MYO1E: variants seen among roughly 807,000 people sequenced by gnomAD.
MYO1E encodes the protein unconventional myosin-Ie.
In MYO1E, 68 loss-of-function variants were observed where a neutral mutation model predicts 151.1. The observed-to-expected ratio is 0.45, with a 90% confidence interval of 0.37 to 0.55. MYO1E has a LOEUF of 0.55. Among genes scored for constraint, MYO1E ranks in the 20% least tolerant of loss-of-function variants. The probability of loss-of-function intolerance (pLI) is 0.00; values close to 1 mark genes in which losing one functional copy is unlikely to be tolerated. For missense variants in MYO1E, 1,363 were observed against 1,389.3 expected (o/e 0.98, Z 0.30); for synonymous variants, 601 against 501.7 (o/e 1.20, Z -2.64).
intron 7 of MYO1E, 85 bp downstream of exon 7, chr15:59,227,374 A>G: frequency 6.5e-7 from 1 of 1,548,942 alleles, no homozygotes; most frequent in Middle Eastern, 1.8e-4. Context: ...GGCTTCCTAG[A>G]CTATAGTCTA....
rs755536028 is a variant in MYO1E at position 59,336,311 on chromosome 15, A to G, written c.3+36187T>C. Among the ~76,000 whole-genome samples the G allele has an allele frequency of 8.8e-4, 134 of 151,960 alleles. 1 individual carries two copies. Among genetic ancestry groups the G allele is most frequent in the Non-Finnish European group, 1.6e-3 (111 of 67,952 alleles). ...CTTGAGCCCAGGAGATGGAGGTTGCAGTGAGCCGAGATCATGCCACTGCAC... is the reference window on the plus strand; with the variant it reads ...CTTGAGCCCAGGAGATGGAGGTTGCGGTGAGCCGAGATCATGCCACTGCAC... On this transcript the variant is annotated intron_variant, in intron 1 of 27. Coordinates refer to ENST00000288235, the MANE Select transcript of MYO1E (RefSeq NM_004998.4).
At chr15:59,206,972 G>A in intron 14 of MYO1E, 1 of 1,614,116 alleles carries the variant, frequency 6.2e-7, no homozygotes, top group Non-Finnish European at 8.5e-7. Context: ...GTGCGGGCCA[G>A]CCAGAGAGTG....
intron 27 of MYO1E, 31 bp from the exon 28 acceptor site, chr15:59,137,487 G>A: frequency 1.3e-6 from 2 of 1,596,420 alleles, no homozygotes; most frequent in Non-Finnish European, 1.7e-6. Flanking sequence ...TGGAAGTGAA[G>A]ATGAGAAAGT....
chr15:59,305,314 C>G (rs762885870), intron 1 of MYO1E, among the ~76,000 whole-genome samples: 1 of 152,176 alleles, frequency 6.6e-6, no homozygotes, highest in Non-Finnish European at 1.5e-5. Context: ...CCACCTCGGC[C>G]TTCTGAGTAG....
chr15:59,178,264 G>C lies in MYO1E; in HGVS notation c.2049+129C>G, dbSNP rs1396958437. ...CACTTAGACCAGGAAGGGAGGGAAG[G>C]CTTCTTTGAGGAGACAACATTGATG... On this transcript the variant is annotated intron_variant, in intron 19 of 27. Transcript: ENST00000288235. 10 of 1,187,990 alleles carry C rather than the reference G, an allele frequency of 8.4e-6. No individual in the cohort carries two copies. In the African/African-American group the frequency reaches 9.1e-5, roughly 11 times the overall value. The allele number at this position is 1,187,990 out of a possible 1,614,324, so 73.6% of individuals were successfully genotyped here.
At chr15:59,312,775 C>G (rs1222670338) in intron 1 of MYO1E, among the ~76,000 whole-genome samples, 1 of 152,134 alleles carries the variant, frequency 6.6e-6, no homozygotes. Flanking sequence ...AATCCCAGCA[C>G]TTTGGGAAGC....
chr15:59,144,006 G>C (rs1596339973), intron 26 of MYO1E, among the ~76,000 whole-genome samples: 1 of 151,908 alleles, frequency 6.6e-6, no homozygotes, highest in Admixed American at 6.6e-5. Context: ...AACTCCCCCT[G>C]AGATGGGGCC....
chr15:59,342,655 T>C (rs999996982), intron 1 of MYO1E, among the ~76,000 whole-genome samples: 4 of 152,212 alleles, frequency 2.6e-5, no homozygotes, highest in Non-Finnish European at 5.9e-5. Flanking sequence ...TGCCACTTTG[T>C]TATTTGTTGT....
At chr15:59,161,384 G>A (rs559253914) in intron 23 of MYO1E, among the ~76,000 whole-genome samples, 154 bp from the exon 24 acceptor site, 1 of 152,204 alleles carries the variant, frequency 6.6e-6, no homozygotes, top group South Asian at 2.1e-4. Flanking sequence ...GATGCGCACC[G>A]CATCCATGGG....
At chr15:59,224,553 G>A (rs1388438400) in intron 8 of MYO1E, 136 bp downstream of exon 8, 1 of 1,170,654 alleles carries the variant, frequency 8.5e-7, no homozygotes. Context: ...ACATGTATGA[G>A]CATACAGAGT....
intron 14 of MYO1E, chr15:59,207,378 T>A: frequency 6.2e-7 from 1 of 1,614,058 alleles, no homozygotes; most frequent in Non-Finnish European, 8.5e-7. Flanking sequence ...TCACAGCAGG[T>A]GCACGCCAAG....
At chr15:59,142,167 A>AT (rs1218925638) in intron 26 of MYO1E, among the ~76,000 whole-genome samples, 2 of 151,954 alleles carry the variant, frequency 1.3e-5, no homozygotes, top group East Asian at 3.9e-4. Flanking sequence ...ATCTATCCAT[A>AT]TTTTTTCTGA....
At chr15:59,310,056 C>T (rs1229728442) in intron 1 of MYO1E, among the ~76,000 whole-genome samples, 5 of 152,184 alleles carry the variant, frequency 3.3e-5, no homozygotes, top group Admixed American at 6.5e-5. Context: ...CGCCCTAACT[C>T]GTCTTTTTGG....
chr15:59,272,137 A>G (rs2080292185), intron 2 of MYO1E, 169 bp downstream of exon 2: 1 of 677,862 alleles, frequency 1.5e-6, no homozygotes, highest in East Asian at 2.7e-5. Context: ...ATTTTTTATA[A>G]TAGAGATGGG....
intron 9 of MYO1E, 25 bp downstream of exon 9, chr15:59,223,034 A>G: frequency 6.2e-7 from 1 of 1,613,366 alleles, no homozygotes; most frequent in Non-Finnish European, 8.5e-7. Context: ...CCCTCATTCA[A>G]TGGCCACATG....
chr15:59,272,892 T>C (rs1233411145), intron 1 of MYO1E, among the ~76,000 whole-genome samples: 1 of 152,240 alleles, frequency 6.6e-6, no homozygotes, highest in Non-Finnish European at 1.5e-5. Flanking sequence ...AGAAACTTTC[T>C]AGTCTTGTTT....
chr15:59,248,289 G>C (rs1308037719), intron 4 of MYO1E, among the ~76,000 whole-genome samples: 1 of 151,508 alleles, frequency 6.6e-6, no homozygotes, highest in East Asian at 1.9e-4. Flanking sequence ...CTCATAACCA[G>C]CCTGGCCAAC....
chr15:59,133,969 G>A lies in MYO1E; in HGVS notation c.*3411C>T, dbSNP rs952356988. 6 of 152,218 alleles carry A rather than the reference G, an allele frequency of 3.9e-5. No homozygotes were observed. Among genetic ancestry groups the A allele is most frequent in the Admixed American group, 1.3e-4 (2 of 15,282 alleles). 9.4% of individuals were successfully genotyped at this position (152,218 alleles called of 1,614,324 possible). A position where few individuals can be genotyped will look rare whatever the true frequency, so the allele number is the denominator to read the frequency against. On this transcript the variant is annotated 3_prime_UTR_variant, in exon 28 of 28. Transcript: ENST00000288235. ...CCCATGGAGTTTGTAATTCATAAAG[G>A]CACATCCATATTTTCTCTTACTCAT...
At chr15:59,252,558 T>C (rs1252196596) in intron 4 of MYO1E, among the ~76,000 whole-genome samples, 1 of 151,848 alleles carries the variant, frequency 6.6e-6, no homozygotes, top group Non-Finnish European at 1.5e-5. Flanking sequence ...CTACTGAAAA[T>C]ACAAAAATTA....
Sources: allele counts gnomAD v4.1 joint callset (sites outside exome capture counted in the v4.1 genomes callset), GRCh38; gene constraint gnomAD v4.1.1; transcripts MANE v1.5; gene names NCBI Gene and HGNC (gene_info 2026-07-23, HGNC 2026-07-21).